TOPBP1: variants seen among roughly 807,000 people sequenced by gnomAD.
The protein encoded by TOPBP1 is DNA topoisomerase 2-binding protein 1.
Under a neutral mutation model 167.7 loss-of-function variants are expected in TOPBP1, and 28 were observed. The observed-to-expected ratio is 0.17, with a 90% CI of 0.12 to 0.23. The LOEUF is 0.23. TOPBP1 is among the 10% of genes least tolerant of loss of function. The probability of loss-of-function intolerance (pLI) is 1.00; values close to 1 mark genes in which losing one functional copy is unlikely to be tolerated. For synonymous variants in TOPBP1, 598 were observed against 611.4 expected, an observed-to-expected ratio of 0.98 and a Z score of 0.32; for missense variants, 1,554 against 1,809.6, an observed-to-expected ratio of 0.86 and a Z score of 2.56.
At chr3:133,639,659 AAAGAT>A (rs1463883653) in intron 13 of TOPBP1, among the ~76,000 whole-genome samples, 31 of 152,306 alleles carry the variant, frequency 2.0e-4, no homozygotes, top group African/African-American at 7.5e-4. Context: ...CTGAGAACTG[AAAGAT>A]AAGCAGGAAG....
intron 27 of TOPBP1, among the ~76,000 whole-genome samples, chr3:133,602,646 CAGA>C (rs1934345136): frequency 6.9e-6 from 1 of 145,676 alleles, no homozygotes; most frequent in African/African-American, 2.8e-5. Context: ...AAGGCTCAGA[CAGA>C]AACATTTTAG....
At chr3:133,617,953 C>A (rs1312474221) in intron 21 of TOPBP1, among the ~76,000 whole-genome samples, 1 of 152,116 alleles carries the variant, frequency 6.6e-6, no homozygotes, top group Non-Finnish European at 1.5e-5. Context: ...AATAAAAGAA[C>A]AATGGTAGAC....
intron 3 of TOPBP1, 84 bp from the exon 4 acceptor site, chr3:133,658,025 T>C (rs1267758362): frequency 8.5e-7 from 1 of 1,177,596 alleles, no homozygotes; most frequent in Non-Finnish European, 1.1e-6. Context: ...CATTCACCAA[T>C]TCTTTACCAA....
chr3:133,601,320 C>G lies in TOPBP1; in HGVS notation c.4499G>C (p.Gly1500Ala). The G allele has an allele frequency of 6.2e-7, 1 of 1,602,888 alleles. No individual in the cohort carries two copies. The highest frequency in any genetic ancestry group is 8.5e-7 in the Non-Finnish European group (1 of 1,174,722). The change falls in exon 28 of 28, where the codon GGG (glycine) becomes GCG (alanine). Residue 1500 changes from glycine to alanine, a missense_variant. Transcript: ENST00000260810. ...ISFIQNNKEL[G>A]TGLSQKRKAP... ...TTTCCTCTTTTGTGATAATCCAGTC[C>G]CAAGTTCCTTATTATTCTGAATAAA...
chr3:133,652,550 G>A lies in TOPBP1; in HGVS notation c.1002C>T (p.Asn334=), dbSNP rs201890303. ...CVSESICNSL[N]SKLEPTLENL... is the part of the protein sequence containing the mutation. ...TTTCAAGTGTAGGCTCCAGTTTGCTGTTAAGTGAATTACATATTGATTCAC... is the reference window on the plus strand; with the variant it reads ...TTTCAAGTGTAGGCTCCAGTTTGCTATTAAGTGAATTACATATTGATTCAC... The change falls in exon 8 of 28, where the codon AAC becomes AAT. Residue 334 remains asparagine (N), a synonymous_variant. Coordinates refer to ENST00000260810, the MANE Select transcript of TOPBP1 (RefSeq NM_007027.4). 176 of 1,611,830 alleles carry A rather than the reference G, an allele frequency of 1.1e-4. No individual in the cohort carries two copies. The highest frequency in any genetic ancestry group is 1.4e-4 in the Non-Finnish European group (171 of 1,179,772).
rs1313283239 is a variant in TOPBP1, at chr3:133,637,856, C to T, written c.2520+20G>A. 6.2e-7 allele frequency: 1 copy of T among 1,609,174 alleles called. No homozygotes were observed. The highest frequency in any genetic ancestry group is 1.7e-5 in the Admixed American group (1 of 59,772). On this transcript the variant is annotated intron_variant, in intron 14 of 27. Coordinates refer to ENST00000260810, the MANE Select transcript of TOPBP1 (RefSeq NM_007027.4). ...AACGGTAAAACTGTTAACTCTGGGA[C>T]CACTGCCTATAAACCTTACCTTCAC...
intron 3 of TOPBP1, among the ~76,000 whole-genome samples, chr3:133,658,666 G>C (rs117635435): frequency 1.3e-5 from 2 of 151,822 alleles, no homozygotes; most frequent in African/African-American, 4.8e-5. Flanking sequence ...AAAATCAGCC[G>C]GGTGTGTATA....
intron 8 of TOPBP1, 58 bp from the exon 9 acceptor site, chr3:133,650,001 TA>T: frequency 7.5e-7 from 1 of 1,337,674 alleles, no homozygotes. Flanking sequence ...AGAAAAAAAC[TA>T]AAAATATATA....
chr3:133,627,709 G>A (rs530406488), intron 16 of TOPBP1, among the ~76,000 whole-genome samples: 1 of 152,202 alleles, frequency 6.6e-6, no homozygotes, highest in Non-Finnish European at 1.5e-5. Flanking sequence ...TATCAACAAA[G>A]CAAGCATTAC....
chr3:133,660,900 GATA>G (rs1180618496), intron 2 of TOPBP1, 141 bp downstream of exon 2: 2 of 569,134 alleles, frequency 3.5e-6, no homozygotes, highest in East Asian at 3.4e-5. Flanking sequence ...AAAAATATGT[GATA>G]ATGATATATC....
intron 4 of TOPBP1, among the ~76,000 whole-genome samples, chr3:133,657,158 C>T (rs572832974): frequency 1.5e-4 from 22 of 150,648 alleles, no homozygotes; most frequent in African/African-American, 5.3e-4. Context: ...TTTTTAACAA[C>T]ATAAATTATA....
At chr3:133,635,998 A>AT (rs1237931492) in intron 14 of TOPBP1, among the ~76,000 whole-genome samples, 1 of 152,178 alleles carries the variant, frequency 6.6e-6, no homozygotes, top group African/African-American at 2.4e-5. Flanking sequence ...TTAAAGAACA[A>AT]TAAAAAAAAA....
chr3:133,653,824 G>A (rs1025095124), intron 6 of TOPBP1, among the ~76,000 whole-genome samples: 2 of 151,978 alleles, frequency 1.3e-5, no homozygotes, highest in African/African-American at 2.4e-5. Flanking sequence ...TAGACACGGG[G>A]TTTCACCATG....
chr3:133,638,786 T>G (rs1266152215), intron 13 of TOPBP1, among the ~76,000 whole-genome samples: 1 of 152,166 alleles, frequency 6.6e-6, no homozygotes, highest in African/African-American at 2.4e-5. Flanking sequence ...TCCACCTTTT[T>G]TCAACATTTA....
At chr3:133,658,936 C>T in intron 3 of TOPBP1, 80 bp downstream of exon 3, 3 of 1,432,144 alleles carry the variant, frequency 2.1e-6, no homozygotes, top group East Asian at 5.0e-5. Context: ...ACTTTATAAT[C>T]CGCAAAGAAT....
At chr3:133,650,065 A>G (rs1936231670) in intron 8 of TOPBP1, 122 bp from the exon 9 acceptor site, 2 of 813,918 alleles carry the variant, frequency 2.5e-6, no homozygotes, top group Admixed American at 7.6e-5. Context: ...AAGATATATG[A>G]ATAAATACAT....
chr3:133,606,706 AC>A (rs1934504407), intron 27 of TOPBP1, among the ~76,000 whole-genome samples: 1 of 152,164 alleles, frequency 6.6e-6, no homozygotes, highest in African/African-American at 2.4e-5. Context: ...ATAGAGACTC[AC>A]AAAAATACGA....
At position 133,643,285 on chromosome 3, in the gene TOPBP1, A is replaced by G. The variant is rs1244749285; in HGVS notation, c.1936T>C (p.Leu646=). The part of the protein sequence containing the change: ...PVPVMTGMTP[L]EDCVISFSQC... ...CTAAATGAAATAACACAATCCTCTA[A>G]AGGAGTCATTCCTGTCATTACTGGA... Residue 646 remains leucine (L), a synonymous_variant, in exon 12 of 28, where the codon TTA becomes CTA. Coordinates refer to ENST00000260810, the MANE Select transcript of TOPBP1 (RefSeq NM_007027.4). The G allele has an allele frequency of 6.2e-7, 1 of 1,613,080 alleles. No homozygotes were observed.
rs1131886 is a variant in TOPBP1 at position 133,659,055 on chromosome 3, A to G, written c.180T>C (p.Cys60=). The change falls in exon 3 of 28, where the codon TGT becomes TGC. Residue 60 remains cysteine, a synonymous_variant. Coordinates refer to ENST00000260810, the MANE Select transcript of TOPBP1 (RefSeq NM_007027.4). ...IKENDRSLYI[C]DPFSGVVFDH... ...CAAAGACAACGCCACTAAAAGGGTCACAGATATAAAGTGATCTATCATTCT... is the reference window on the plus strand; with the variant it reads ...CAAAGACAACGCCACTAAAAGGGTCGCAGATATAAAGTGATCTATCATTCT... The G allele has an allele frequency of 5.9e-5, 94 of 1,599,232 alleles. 1 individual carries two copies. In the African/African-American group the frequency reaches 8.9e-4, roughly 15 times the overall value.
Sources: allele counts gnomAD v4.1 joint callset (sites outside exome capture counted in the v4.1 genomes callset), GRCh38; gene constraint gnomAD v4.1.1; transcripts MANE v1.5; gene names NCBI Gene and HGNC (gene_info 2026-07-23, HGNC 2026-07-21).